SLC39A6: variants seen among roughly 807,000 people sequenced by gnomAD.
SLC39A6 encodes the protein solute carrier family 39 member 6, also known as zinc transporter ZIP6.
SLC39A6 carries 51 observed loss-of-function variants against 63.5 expected under a neutral mutation model. The ratio of observed to expected loss-of-function variants is 0.80; its 90% CI spans 0.64 to 1.01. SLC39A6 has a LOEUF of 1.01. Among genes scored for constraint, SLC39A6 ranks in the 50% least tolerant of loss-of-function variants. The pLI is 0.00. For missense variants in SLC39A6, 805 were observed against 927.8 expected (o/e 0.87, Z 1.72); for synonymous variants, 318 against 324.7 (o/e 0.98, Z 0.22).
chr18:36,113,447 T>C (rs1240987745), intron 7 of SLC39A6, among the ~76,000 whole-genome samples: 1 of 152,032 alleles, frequency 6.6e-6, no homozygotes, highest in Non-Finnish European at 1.5e-5. Flanking sequence ...CTCTGCATAA[T>C]ATAGTACAAG....
intron 5 of SLC39A6, among the ~76,000 whole-genome samples, chr18:36,117,473 G>A (rs1035438562): frequency 6.6e-6 from 1 of 152,022 alleles, no homozygotes; most frequent in African/African-American, 2.4e-5. Flanking sequence ...TCATCACTGG[G>A]CTTTTTAACC....
In SLC39A6 at chr18:36,126,471, C is replaced by A. The variant is rs767865875; in HGVS notation, c.537G>T (p.Lys179Asn). The A allele has an allele frequency of 6.8e-6, 11 of 1,614,210 alleles. No homozygotes were observed. Among genetic ancestry groups the A allele is most frequent in the Non-Finnish European group, 9.3e-6 (11 of 1,180,040 alleles). The change falls in exon 2 of 10, where the codon AAG becomes AAT. Residue 179 changes from lysine to asparagine, a missense_variant. Transcript: ENST00000269187. ...TCACTTCACTAGCACTAACACTGTC[C>A]TTGACATTCCTTCTACCACTGGCAT... ...PEHASGRRNVKDSVSASEVTS... is the reference protein window; with the variant it reads ...PEHASGRRNVNDSVSASEVTS...
intron 5 of SLC39A6, among the ~76,000 whole-genome samples, chr18:36,117,625 G>C (rs953779512): frequency 6.6e-6 from 1 of 152,182 alleles, no homozygotes; most frequent in Admixed American, 6.5e-5. Flanking sequence ...ATAAATAACA[G>C]ATTTCTTATT....
chr18:36,129,056 T>A (rs1472170880), intron 1 of SLC39A6, 58 bp downstream of exon 1: 1 of 152,180 alleles, frequency 6.6e-6, no homozygotes, highest in Non-Finnish European at 1.5e-5. Flanking sequence ...CCGCCACGCC[T>A]GTCTGGCCTG....
chr18:36,114,143 C>A lies in SLC39A6; in HGVS notation c.1797G>T (p.Val599=). The A allele has an allele frequency of 1.9e-6, 3 of 1,613,634 alleles. No homozygotes were observed. Among genetic ancestry groups the A allele is most frequent in the Non-Finnish European group, 2.5e-6 (3 of 1,179,722 alleles). The change falls in exon 7 of 10, where the codon GTG becomes GTT. Residue 599 remains valine, a synonymous_variant. Coordinates refer to ENST00000269187, the MANE Select transcript of SLC39A6 (RefSeq NM_012319.4). ...AATTGTGCAGGCCATCACCCATTAT[C>A]ACCATCCAGGCCAGAGTGGCGACGC... ...DAGVATLAWM[V]IMGDGLHNFS...
intron 3 of SLC39A6, 27 bp from the exon 4 acceptor site, chr18:36,123,691 A>C: frequency 6.4e-7 from 1 of 1,574,434 alleles, no homozygotes; most frequent in East Asian, 2.3e-5. Context: ...AACAGAGCAA[A>C]GAAAAATTAT....
In SLC39A6 at chr18:36,126,366, G is replaced by C; in HGVS notation, c.642C>G (p.Phe214Leu). The C allele has an allele frequency of 6.2e-7, 1 of 1,614,228 alleles. No individual in the cohort carries two copies. Among genetic ancestry groups the C allele is most frequent in the Non-Finnish European group, 8.5e-7 (1 of 1,180,034 alleles). Residue 214 changes from phenylalanine to leucine, a missense_variant, in exon 2 of 10, where the codon TTC (phenylalanine) becomes TTG (leucine). Around this residue, in one of 4 missense-constraint regions of SLC39A6, gnomAD observed 639 missense variants for 644.0 expected, o/e 0.99. Transcript: ENST00000269187. ...TIETPRPGKL[F>L]PKDVSSSTPP... Reference sequence around the variant, plus strand: ...GAGTGGAGCTGCTTACATCTTTGGGGAAGAGTTTTCCAGGTCTTGGAGTCT... The same window carrying C: ...GAGTGGAGCTGCTTACATCTTTGGGCAAGAGTTTTCCAGGTCTTGGAGTCT...
chr18:36,115,630 G>T (rs765609261), intron 6 of SLC39A6, among the ~76,000 whole-genome samples: 1 of 152,096 alleles, frequency 6.6e-6, no homozygotes, highest in East Asian at 1.9e-4. Flanking sequence ...TGGTCTCAGA[G>T]AACGGTATTC....
At position 36,126,464 on chromosome 18, in the gene SLC39A6, C is replaced by T; in HGVS notation, c.544G>A (p.Val182Ile). The T allele has an allele frequency of 1.9e-6, 3 of 1,614,244 alleles. No homozygotes were observed. Among genetic ancestry groups the T allele is most frequent in the Non-Finnish European group, 2.5e-6 (3 of 1,180,040 alleles). The stretch of plus-strand genomic sequence containing the variant: ...GTTGAGGTCACTTCACTAGCACTAA[C>T]ACTGTCCTTGACATTCCTTCTACCA... ...ASGRRNVKDS[V>I]SASEVTSTVY... is the part of the protein sequence containing the mutation. Residue 182 changes from valine to isoleucine, a missense_variant, in exon 2 of 10, where the codon GTT (valine) becomes ATT (isoleucine). This residue lies in a region of SLC39A6 where 639 missense variants were observed against 644.0 expected (regional missense o/e 0.99). Transcript: ENST00000269187.
At chr18:36,121,272 T>G (rs2089391513) in intron 5 of SLC39A6, among the ~76,000 whole-genome samples, 1 of 152,146 alleles carries the variant, frequency 6.6e-6, no homozygotes, top group African/African-American at 2.4e-5. Context: ...TTCTTGTGCC[T>G]CAGCCTCCCA....
intron 9 of SLC39A6, 79 bp downstream of exon 9, chr18:36,110,980 A>G: frequency 6.4e-7 from 1 of 1,556,122 alleles, no homozygotes; most frequent in Middle Eastern, 2.3e-4. Context: ...AAAAAGAGAG[A>G]AAAAAAATGA....
intron 6 of SLC39A6, among the ~76,000 whole-genome samples, chr18:36,116,345 A>G (rs1173115241): frequency 6.6e-6 from 1 of 152,238 alleles, no homozygotes; most frequent in Non-Finnish European, 1.5e-5. Flanking sequence ...CTAAAAAATT[A>G]AAGAAAAAGG....
intron 9 of SLC39A6, 36 bp from the exon 10 acceptor site, chr18:36,109,781 T>G (rs1364862152): frequency 6.4e-7 from 1 of 1,570,230 alleles, no homozygotes; most frequent in African/African-American, 1.4e-5. Context: ...AGAGTGACAT[T>G]TAAGTTTTTA....
intron 6 of SLC39A6, among the ~76,000 whole-genome samples, chr18:36,115,437 G>T (rs1789509): frequency 7.0e-6 from 1 of 142,022 alleles, no homozygotes; most frequent in Non-Finnish European, 1.5e-5. Flanking sequence ...GTGAGACTCC[G>T]TCTCAAAAAA....
At chr18:36,128,629 G>C (rs909587035) in intron 1 of SLC39A6, among the ~76,000 whole-genome samples, 1 of 152,236 alleles carries the variant, frequency 6.6e-6, no homozygotes, top group East Asian at 1.9e-4. Flanking sequence ...GGTGGGAGGG[G>C]ACTAGCACAG....
intron 9 of SLC39A6, among the ~76,000 whole-genome samples, chr18:36,110,436 CAAA>C (rs200342744): frequency 3.7e-5 from 3 of 80,986 alleles, no homozygotes; most frequent in Admixed American, 2.5e-4. Flanking sequence ...ATCAACAATC[CAAA>C]AAAAAAAAAA....
At chr18:36,123,467 C>T in intron 4 of SLC39A6, 28 bp downstream of exon 4, 1 of 1,547,504 alleles carries the variant, frequency 6.5e-7, no homozygotes, top group Non-Finnish European at 8.7e-7. Context: ...AATAATCAAA[C>T]ACTAACAGGA....
intron 1 of SLC39A6, 134 bp from the exon 2 acceptor site, chr18:36,127,150 G>A (rs960405230): frequency 4.0e-5 from 30 of 749,866 alleles, no homozygotes; most frequent in African/African-American, 3.5e-4. Context: ...CCAGTGTGAC[G>A]CTAGGTACTG....
chr18:36,110,118 C>T (rs2089289400), intron 9 of SLC39A6, among the ~76,000 whole-genome samples: 1 of 152,076 alleles, frequency 6.6e-6, no homozygotes, highest in Admixed American at 6.6e-5. Flanking sequence ...ATATAAGATA[C>T]ATATTGTCTT....
Sources: allele counts gnomAD v4.1 joint callset (sites outside exome capture counted in the v4.1 genomes callset), GRCh38; gene constraint gnomAD v4.1.1; regional missense constraint gnomAD v4.1.1; transcripts MANE v1.5; gene names NCBI Gene and HGNC (gene_info 2026-07-23, HGNC 2026-07-21).